SYNE3: variants seen among roughly 807,000 people sequenced by gnomAD.
SYNE3 encodes nesprin-3.
Under a neutral mutation model 111.2 loss-of-function variants are expected in SYNE3, and 100 were observed. The ratio of observed to expected loss-of-function variants is 0.90; its 90% CI spans 0.77 to 1.06. SYNE3 has a LOEUF of 1.06. Among genes scored for constraint, SYNE3 ranks in the 50% least tolerant of loss-of-function variants. The pLI is 0.00. For missense variants in SYNE3, 1,160 were observed against 1,240.3 expected (o/e 0.94, Z 0.97); for synonymous variants, 547 against 533.9 (o/e 1.02, Z -0.34).
In SYNE3 at chr14:95,503,022, C is replaced by T. The variant is rs115583367; in HGVS notation, c.-15+13574G>A. Among the ~76,000 whole-genome samples, 806 of 152,248 alleles carry T rather than the reference C, an allele frequency of 5.3e-3. 5 individuals are homozygous for T. The highest frequency in any genetic ancestry group is 0.018 in the African/African-American group (767 of 41,536). On this transcript the variant is annotated intron_variant, in intron 1 of 17. Transcript: ENST00000682763. ...CTGGTCTCCCCAAGAATCTAAGGCA[C>T]GGGGATGAAGAGTTACAAGAGCCCT...
chr14:95,449,992 A>G lies in SYNE3; in HGVS notation c.1388T>C (p.Leu463Ser). 2.6e-6 allele frequency: 4 copies of G among 1,555,084 alleles called. No individual in the cohort carries two copies. Among genetic ancestry groups the G allele is most frequent in the Non-Finnish European group, 3.5e-6 (4 of 1,149,110 alleles). ...GTCCGGCAGGCTGGCAGTGACCTCC[A>G]AGAGCCGCTGGGCCAGGGCCTTCCA... is the stretch of plus-strand genomic sequence containing the variant. ...QLWKALAQRL[L>S]EVTASLPDLP... Residue 463 changes from leucine to serine, a missense_variant, in exon 8 of 18, where the codon TTG becomes TCG. Transcript: ENST00000682763.
intron 1 of SYNE3, among the ~76,000 whole-genome samples, chr14:95,491,687 T>C (rs906936849): frequency 2.0e-5 from 3 of 150,452 alleles, no homozygotes; most frequent in Non-Finnish European, 4.4e-5. Context: ...TTAGATGTGA[T>C]AGCAAAGGCA....
At chr14:95,430,112 G>T in intron 17 of SYNE3, 1 of 416,216 alleles carries the variant, frequency 2.4e-6, no homozygotes, top group Non-Finnish European at 3.2e-6. Context: ...GTGCTGGAGG[G>T]CTGGTGTTAG....
In SYNE3 at chr14:95,408,898, C is replaced by G; in HGVS notation, c.*8928G>C. The G allele has an allele frequency of 2.8e-6, 1 of 351,022 alleles. No homozygotes were observed. 21.7% of individuals were successfully genotyped at this position (351,022 alleles called of 1,614,324 possible). The stretch of plus-strand genomic sequence containing the variant: ...CCCCGCAAGGGCTGGCCTGTCCGTG[C>G]TTTTCCAGTGGGAAGGTAGACAGAC... On this transcript the variant is annotated 3_prime_UTR_variant, in exon 18 of 18. Transcript: ENST00000682763.
intron 9 of SYNE3, among the ~76,000 whole-genome samples, chr14:95,445,544 T>C (rs1329962930): frequency 6.6e-6 from 1 of 152,270 alleles, no homozygotes; most frequent in African/African-American, 2.4e-5. Context: ...GTGTCACTAA[T>C]ATGAGCTTCC....
chr14:95,436,756 C>T, intron 15 of SYNE3, 64 bp downstream of exon 15: 4 of 1,574,144 alleles, frequency 2.5e-6, no homozygotes, highest in Non-Finnish European at 3.5e-6. Flanking sequence ...GAAGAACTCC[C>T]TGGTGGCAAA....
At chr14:95,509,288 G>A (rs1316533649) in intron 1 of SYNE3, among the ~76,000 whole-genome samples, 3 of 152,200 alleles carry the variant, frequency 2.0e-5, no homozygotes, top group Non-Finnish European at 4.4e-5. Flanking sequence ...CAGGTGTCCA[G>A]GTGAGAAAGG....
At position 95,441,858 on chromosome 14, in the gene SYNE3, C is replaced by T. The variant is rs143050534; in HGVS notation, c.1911+1297G>A. ...TGGTGGGGAGGGTTTGCAGTTGCTG[C>T]GATAGAGGTGGTGAGGGTGATACTA... On this transcript the variant is annotated intron_variant, in intron 11 of 17. Coordinates refer to ENST00000682763, the MANE Select transcript of SYNE3 (RefSeq NM_152592.6). Among the ~76,000 whole-genome samples, 758 of 152,304 alleles carry T rather than the reference C, an allele frequency of 5.0e-3. 5 individuals are homozygous for T. The highest frequency in any genetic ancestry group is 0.016 in the African/African-American group (660 of 41,566).
chr14:95,463,548 A>G (rs938676048), intron 4 of SYNE3, among the ~76,000 whole-genome samples: 6 of 152,372 alleles, frequency 3.9e-5, no homozygotes, highest in Non-Finnish European at 5.9e-5. Flanking sequence ...AGCCACAGCA[A>G]AGAGGCTGTG....
chr14:95,502,115 T>C (rs1890359055), intron 1 of SYNE3, among the ~76,000 whole-genome samples: 1 of 152,166 alleles, frequency 6.6e-6, no homozygotes. Context: ...TTTATCCTGA[T>C]TTGACGCACA....
intron 4 of SYNE3, among the ~76,000 whole-genome samples, chr14:95,460,600 G>A (rs1357613162): frequency 4.2e-5 from 6 of 144,376 alleles, no homozygotes; most frequent in Non-Finnish European, 7.5e-5. Context: ...CAAAACATGG[G>A]CCCTGCTTGA....
At chr14:95,437,099 A>G (rs1886130291) in intron 14 of SYNE3, 118 bp from the exon 15 acceptor site, 1 of 1,212,212 alleles carries the variant, frequency 8.2e-7, no homozygotes, top group Admixed American at 2.2e-5. Flanking sequence ...CAAAATGGCG[A>G]CGGGAGAGGC....
intron 8 of SYNE3, 46 bp downstream of exon 8, chr14:95,449,885 C>A: frequency 6.5e-7 from 1 of 1,535,574 alleles, no homozygotes; most frequent in Non-Finnish European, 8.8e-7. Context: ...CCATGCCCCG[C>A]CAGTGGCCCA....
intron 17 of SYNE3, among the ~76,000 whole-genome samples, chr14:95,419,284 A>T (rs760372997): frequency 6.6e-6 from 1 of 152,134 alleles, no homozygotes; most frequent in Non-Finnish European, 1.5e-5. Flanking sequence ...CAGCTATGTG[A>T]CCTTGGGCAA....
At chr14:95,472,646 T>C (rs10131205) in intron 2 of SYNE3, among the ~76,000 whole-genome samples, 3,129 of 152,232 alleles carry the variant, frequency 0.021, 108 homozygotes, top group African/African-American at 0.072. Flanking sequence ...AAGCTGAAGC[T>C]CAGAGAGCTC....
At position 95,455,428 on chromosome 14, in the gene SYNE3, C is replaced by G. The variant is rs757435799; in HGVS notation, c.1086G>C (p.Ala362=). 6.3e-7 allele frequency: 1 copy of G among 1,576,342 alleles called. No individual in the cohort carries two copies. The highest frequency in any genetic ancestry group is 1.4e-5 in the African/African-American group (1 of 73,266). ...GCTCGTCCTCGGTCCCCGCTTTCGC[C>G]GCAGGCTGCAGGCCCTCCTGGGCCA... ...QRLAQEGLQP[A]AKAGTEDELV... The change falls in exon 6 of 18, where the codon GCG becomes GCC. Residue 362 remains alanine, a synonymous_variant. Transcript: ENST00000682763.
Position 95,440,093 on chromosome 14 carries a change from G to T in SYNE3, c.1912-18C>A. 1 of 1,583,806 alleles carries T rather than the reference G, an allele frequency of 6.3e-7. No individual in the cohort carries two copies. The highest frequency in any genetic ancestry group is 2.2e-5 in the East Asian group (1 of 44,596). On this transcript the variant is annotated intron_variant, in intron 11 of 17. Coordinates refer to ENST00000682763, the MANE Select transcript of SYNE3 (RefSeq NM_152592.6). Reference sequence around the variant, plus strand: ...ACAAGGTCCTGCAGCACAGCCCGGGGAGCCCAGGGCATCCTGAGTGCTGGC... The same window carrying T: ...ACAAGGTCCTGCAGCACAGCCCGGGTAGCCCAGGGCATCCTGAGTGCTGGC...
chr14:95,426,423 C>T (rs893129760), intron 17 of SYNE3, among the ~76,000 whole-genome samples: 1 of 152,088 alleles, frequency 6.6e-6, no homozygotes, highest in Non-Finnish European at 1.5e-5. Context: ...CTATGTTGCC[C>T]CTCCCAACTC....
At chr14:95,488,062 T>C (rs1889637731) in intron 1 of SYNE3, among the ~76,000 whole-genome samples, 1 of 152,258 alleles carries the variant, frequency 6.6e-6, no homozygotes, top group South Asian at 2.1e-4. Flanking sequence ...TTCTCTAGCT[T>C]ACTTTATTGT....
Sources: allele counts gnomAD v4.1 joint callset (sites outside exome capture counted in the v4.1 genomes callset), GRCh38; gene constraint gnomAD v4.1.1; transcripts MANE v1.5; gene names NCBI Gene and HGNC (gene_info 2026-07-23, HGNC 2026-07-21).